Variants in CNTN5 observed in about 807,000 individuals in gnomAD.
CNTN5 encodes the protein contactin 5.
CNTN5 carries 77 observed loss-of-function variants against 129.1 expected under a neutral mutation model. That is an observed-to-expected ratio of 0.60 (90% CI 0.50 to 0.72). CNTN5 has a LOEUF of 0.72. Among genes scored for constraint, CNTN5 ranks in the 30% least tolerant of loss-of-function variants. The pLI is 0.00. For synonymous variants in CNTN5, 509 were observed against 465.6 expected, an observed-to-expected ratio of 1.09 and a Z score of -1.20; for missense variants, 1,478 against 1,328.8, an observed-to-expected ratio of 1.11 and a Z score of -1.75.
At chr11:99,719,024 A>G (rs117709433) in intron 3 of CNTN5, among the ~76,000 whole-genome samples, 5,443 of 152,252 alleles carry the variant, frequency 0.036, 113 homozygotes, top group South Asian at 0.044. Context: ...AATAATATTA[A>G]GACCATAACA....
chr11:100,177,356 A>T (rs1947997739), intron 13 of CNTN5, among the ~76,000 whole-genome samples: 1 of 152,054 alleles, frequency 6.6e-6, no homozygotes, highest in African/African-American at 2.4e-5. Flanking sequence ...AATTGATTAC[A>T]CTACATAGTA....
intron 1 of CNTN5, among the ~76,000 whole-genome samples, chr11:99,216,902 C>T (rs1338494303): frequency 3.3e-5 from 5 of 151,872 alleles, no homozygotes; most frequent in Admixed American, 1.3e-4. Flanking sequence ...TTAAAGTATA[C>T]GGCCAGGCGC....
rs1339576789 is a variant in CNTN5 at position 99,740,390 on chromosome 11, TTG to T, written c.56-79152_56-79151del. Among the ~76,000 whole-genome samples, 3 of 152,252 alleles carry T rather than the reference TTG, an allele frequency of 2.0e-5. No individual in the cohort carries two copies. The South Asian group carries it at 6.2e-4, about 32-fold the overall frequency. On this transcript the variant is annotated intron_variant, in intron 3 of 24. Coordinates refer to ENST00000524871, the MANE Select transcript of CNTN5 (RefSeq NM_014361.4). The stretch of plus-strand genomic sequence containing the variant: ...CATGGTAAATAAAAGGAGAACTTGT[TTG>T]TTAAGAATGAGGCATTATCATAGTA...
At chr11:99,587,709 A>AT (rs75104268) in intron 3 of CNTN5, among the ~76,000 whole-genome samples, 6,437 of 152,176 alleles carry the variant, frequency 0.042, 175 homozygotes, top group South Asian at 0.089. Context: ...ATTGCTGAGA[A>AT]TTTTTTTAAA....
intron 4 of CNTN5, among the ~76,000 whole-genome samples, chr11:99,838,768 T>G (rs1947383850): frequency 6.6e-6 from 1 of 152,190 alleles, no homozygotes; most frequent in African/African-American, 2.4e-5. Flanking sequence ...TGAAAAAATT[T>G]CCTTTGGATA....
chr11:100,167,004 A>AC (rs920815215), intron 13 of CNTN5, among the ~76,000 whole-genome samples: 5 of 151,708 alleles, frequency 3.3e-5, no homozygotes, highest in Non-Finnish European at 1.5e-5. Context: ...GAAGACTTAG[A>AC]CCCCAAGTGT....
At chr11:100,168,512 A>G (rs1947719622) in intron 13 of CNTN5, among the ~76,000 whole-genome samples, 1 of 151,962 alleles carries the variant, frequency 6.6e-6, no homozygotes, top group Non-Finnish European at 1.5e-5. Context: ...TGGATAACAC[A>G]ACATCTATTT....
intron 1 of CNTN5, among the ~76,000 whole-genome samples, chr11:99,039,701 G>T (rs765495356): frequency 6.6e-6 from 1 of 152,066 alleles, no homozygotes; most frequent in Non-Finnish European, 1.5e-5. Context: ...AAGAATGAAT[G>T]TGTGTGTGTA....
intron 1 of CNTN5, among the ~76,000 whole-genome samples, chr11:99,263,202 G>T (rs941491504): frequency 2.0e-4 from 31 of 151,986 alleles, no homozygotes; most frequent in African/African-American, 7.5e-4. Flanking sequence ...TTCATGTAAG[G>T]TGTTTCCTGT....
At chr11:99,713,285 T>G (rs1955078276) in intron 3 of CNTN5, among the ~76,000 whole-genome samples, 2 of 151,952 alleles carry the variant, frequency 1.3e-5, no homozygotes, top group South Asian at 4.1e-4. Context: ...GGCTCTCTGT[T>G]TTTTGTTGTT....
At chr11:99,851,127 C>T (rs963384505) in intron 6 of CNTN5, among the ~76,000 whole-genome samples, 1 of 67,662 alleles carries the variant, frequency 1.5e-5, no homozygotes, top group Admixed American at 2.0e-4. Flanking sequence ...CCATGAGGAA[C>T]TTCATTTTAA....
chr11:99,939,971 T>TTC (rs1950398570), intron 7 of CNTN5, among the ~76,000 whole-genome samples: 1 of 152,190 alleles, frequency 6.6e-6, no homozygotes, highest in South Asian at 2.1e-4. Context: ...ACCCAAATGG[T>TTC]TGGCAACCAG....
chr11:99,686,925 T>C (rs1953818268), intron 3 of CNTN5, among the ~76,000 whole-genome samples: 2 of 152,188 alleles, frequency 1.3e-5, no homozygotes, highest in African/African-American at 4.8e-5. Context: ...GCTCAAATGC[T>C]GGCCTGCTTT....
chr11:100,215,868 G>C (rs1379317532), intron 15 of CNTN5, among the ~76,000 whole-genome samples: 1 of 152,144 alleles, frequency 6.6e-6, no homozygotes, highest in Non-Finnish European at 1.5e-5. Flanking sequence ...TAATCAATGA[G>C]AGGAGGAAAG....
In CNTN5 at chr11:99,667,174, A is replaced by C. The variant is rs74635213; in HGVS notation, c.55+110905A>C. 8.7e-3 allele frequency among the ~76,000 whole-genome samples: 1,324 copies of C among 152,206 alleles called. 18 individuals carry two copies. The highest frequency in any genetic ancestry group is 0.03 in the African/African-American group (1,246 of 41,564). On this transcript the variant is annotated intron_variant, in intron 3 of 24. Coordinates refer to ENST00000524871, the MANE Select transcript of CNTN5 (RefSeq NM_014361.4). ...GAATCATAGTTGTTTTTTTAAACCA[A>C]AGGTCAGTGGTATGATAATATTTTT... is the stretch of plus-strand genomic sequence containing the variant.
intron 13 of CNTN5, among the ~76,000 whole-genome samples, chr11:100,181,951 A>G (rs1489741802): frequency 1.3e-5 from 2 of 152,058 alleles, no homozygotes; most frequent in East Asian, 3.9e-4. Context: ...TTAGAAACTG[A>G]CAAGCTAATT....
intron 1 of CNTN5, among the ~76,000 whole-genome samples, chr11:99,201,079 CA>C (rs1344380815): frequency 8.4e-6 from 1 of 119,722 alleles, no homozygotes; most frequent in Non-Finnish European, 1.6e-5. Context: ...GGCTGGAGTG[CA>C]GTGGTAGAAT....
chr11:99,758,997 G>C (rs761878959), intron 3 of CNTN5, among the ~76,000 whole-genome samples: 1 of 152,132 alleles, frequency 6.6e-6, no homozygotes, highest in East Asian at 1.9e-4. Flanking sequence ...TATGATGAAG[G>C]CTGGAGAACT....
chr11:99,566,972 A>C (rs1441280669), intron 3 of CNTN5, among the ~76,000 whole-genome samples: 1 of 152,218 alleles, frequency 6.6e-6, no homozygotes, highest in East Asian at 1.9e-4. Context: ...AATAATACTT[A>C]ATTAGGTTTA....
Sources: gnomAD v4.1 joint callset for allele counts (sites outside exome capture counted in the v4.1 genomes callset) on GRCh38, gnomAD v4.1.1 for gene constraint, MANE v1.5 for transcripts, NCBI Gene and HGNC (gene_info 2026-07-23, HGNC 2026-07-21) for gene names.